CLDN10: variants seen among roughly 807,000 people sequenced by gnomAD.
CLDN10 encodes claudin-10.
Under a neutral mutation model 22.9 loss-of-function variants are expected in CLDN10, and 15 were observed. The observed-to-expected ratio is 0.65, with a 90% CI of 0.44 to 1.01. The LOEUF is 1.01. Ranked by LOEUF, CLDN10 falls within the 50% of genes least tolerant of loss-of-function variation. The pLI, the probability that CLDN10 is intolerant of heterozygous loss-of-function variation, is 0.00. For missense variants in CLDN10, 247 were observed against 287.8 expected, an observed-to-expected ratio of 0.86 and a Z score of 1.03; for synonymous variants, 114 against 111.4, an observed-to-expected ratio of 1.02 and a Z score of -0.15.
intron 1 of CLDN10, among the ~76,000 whole-genome samples, chr13:95,492,995 C>T (rs1025127177): frequency 3.9e-5 from 6 of 152,194 alleles, no homozygotes; most frequent in African/African-American, 1.4e-4. Context: ...TTCCCACTTC[C>T]GCAGTTGGGG....
At chr13:95,513,826 A>G (rs1450145934) in intron 1 of CLDN10, among the ~76,000 whole-genome samples, 1 of 152,218 alleles carries the variant, frequency 6.6e-6, no homozygotes, top group African/African-American at 2.4e-5. Flanking sequence ...ACAAGTGTAG[A>G]AACAAATATA....
At chr13:95,440,761 A>G (rs917568249) in intron 1 of CLDN10, among the ~76,000 whole-genome samples, 1 of 152,264 alleles carries the variant, frequency 6.6e-6, no homozygotes, top group Non-Finnish European at 1.5e-5. Context: ...GGACTTTCGC[A>G]GTAGAATCTA....
At chr13:95,524,979 C>T (rs1254166429) in intron 1 of CLDN10, among the ~76,000 whole-genome samples, 1 of 151,996 alleles carries the variant, frequency 6.6e-6, no homozygotes, top group Non-Finnish European at 1.5e-5. Context: ...CCTGCCTCGG[C>T]CTCCTGAGTA....
intron 1 of CLDN10, among the ~76,000 whole-genome samples, chr13:95,439,255 C>A (rs374789060): frequency 1.3e-5 from 2 of 151,972 alleles, no homozygotes; most frequent in South Asian, 2.1e-4. Context: ...AGATTCAGTG[C>A]GTGGTGAGGG....
chr13:95,523,671 G>T (rs574044116), intron 1 of CLDN10, among the ~76,000 whole-genome samples: 1 of 152,242 alleles, frequency 6.6e-6, no homozygotes, highest in South Asian at 2.1e-4. Context: ...CAGACTCATG[G>T]CCTTAAGTGA....
intron 1 of CLDN10, among the ~76,000 whole-genome samples, chr13:95,495,317 G>A (rs1051448139): frequency 6.6e-6 from 1 of 151,922 alleles, no homozygotes; most frequent in Non-Finnish European, 1.5e-5. Context: ...GATTACAGGC[G>A]TGAGCCACCG....
chr13:95,506,130 G>A (rs1436880683), intron 1 of CLDN10, among the ~76,000 whole-genome samples: 1 of 152,182 alleles, frequency 6.6e-6, no homozygotes, highest in African/African-American at 2.4e-5. Flanking sequence ...CCTTAGGAAT[G>A]TCTGCAGCTG....
intron 1 of CLDN10, among the ~76,000 whole-genome samples, chr13:95,556,276 C>T (rs565160093): frequency 3.9e-5 from 6 of 152,194 alleles, no homozygotes; most frequent in African/African-American, 1.4e-4. Flanking sequence ...GAACTCCTGA[C>T]CTCAAGTGAT....
intron 1 of CLDN10, among the ~76,000 whole-genome samples, chr13:95,477,372 G>A (rs935739062): frequency 2.6e-5 from 4 of 152,144 alleles, no homozygotes; most frequent in Admixed American, 1.3e-4. Context: ...GGTGATTAGG[G>A]CAGGGGGATA....
intron 1 of CLDN10, among the ~76,000 whole-genome samples, chr13:95,513,040 T>G (rs533587966): frequency 6.6e-6 from 1 of 152,156 alleles, no homozygotes; most frequent in East Asian, 1.9e-4. Flanking sequence ...CACACCCAGC[T>G]AATTTTTAAG....
chr13:95,490,833 C>A (rs890922960), intron 1 of CLDN10, among the ~76,000 whole-genome samples: 2 of 152,122 alleles, frequency 1.3e-5, no homozygotes, highest in Admixed American at 6.5e-5. Flanking sequence ...TCTTGATGAC[C>A]TGTCTAGTGC....
intron 3 of CLDN10, chr13:95,560,980 C>T (rs758557116): frequency 6.5e-6 from 1 of 153,192 alleles, no homozygotes; most frequent in East Asian, 1.9e-4. Context: ...TGTAGGAGCA[C>T]GGCACCTTTA....
chr13:95,486,873 T>C (rs2042810622), intron 1 of CLDN10, among the ~76,000 whole-genome samples: 1 of 152,186 alleles, frequency 6.6e-6, no homozygotes, highest in African/African-American at 2.4e-5. Flanking sequence ...TGGTGCCTGA[T>C]ACTTGGGTGC....
At chr13:95,536,646 G>A (rs1055824502) in intron 1 of CLDN10, among the ~76,000 whole-genome samples, 1 of 152,224 alleles carries the variant, frequency 6.6e-6, no homozygotes, top group South Asian at 2.1e-4. Context: ...AATTCAAGGC[G>A]CTTCATAGTG....
At chr13:95,539,557 G>C (rs2043437849) in intron 1 of CLDN10, among the ~76,000 whole-genome samples, 1 of 152,240 alleles carries the variant, frequency 6.6e-6, no homozygotes, top group Admixed American at 6.5e-5. Context: ...AATTAGAAAA[G>C]AGCAGCTGGA....
chr13:95,572,874 C>T (rs997649007), intron 3 of CLDN10, among the ~76,000 whole-genome samples: 1 of 152,102 alleles, frequency 6.6e-6, no homozygotes, highest in Non-Finnish European at 1.5e-5. Context: ...GGATGGCAAA[C>T]CTAACTCAGA....
At chr13:95,482,226 T>G (rs1210616643) in intron 1 of CLDN10, among the ~76,000 whole-genome samples, 1 of 152,174 alleles carries the variant, frequency 6.6e-6, no homozygotes, top group East Asian at 1.9e-4. Context: ...CCACAACAAT[T>G]ACAAATTTAA....
intron 1 of CLDN10, among the ~76,000 whole-genome samples, chr13:95,499,651 G>A (rs1420043740): frequency 3.9e-5 from 6 of 152,356 alleles, no homozygotes; most frequent in Admixed American, 3.9e-4. Flanking sequence ...GACCAGCCCT[G>A]CTGCCAGTGG....
At chr13:95,470,142 G>A (rs2042616532) in intron 1 of CLDN10, among the ~76,000 whole-genome samples, 1 of 152,156 alleles carries the variant, frequency 6.6e-6, no homozygotes. Flanking sequence ...TTAGTGAAGT[G>A]GAGAACTGAC....
Sources: allele counts gnomAD v4.1 joint callset (sites outside exome capture counted in the v4.1 genomes callset), GRCh38; gene constraint gnomAD v4.1.1; transcripts MANE v1.5; gene names NCBI Gene and HGNC (gene_info 2026-07-23, HGNC 2026-07-21).